PTPRS: variants seen among roughly 807,000 people sequenced by gnomAD.
The protein encoded by PTPRS is receptor-type tyrosine-protein phosphatase S.
PTPRS carries 63 observed loss-of-function variants against 215.3 expected under a neutral mutation model. The observed-to-expected ratio is 0.29, with a 90% confidence interval of 0.24 to 0.36. The LOEUF is 0.36. Ranked by LOEUF, PTPRS falls within the 10% of genes least tolerant of loss-of-function variation. The probability of loss-of-function intolerance (pLI) is 1.00; values close to 1 mark genes in which losing one functional copy is unlikely to be tolerated. For missense variants in PTPRS, 2,258 were observed against 2,825.8 expected (o/e 0.80, Z 4.56); for synonymous variants, 1,404 against 1,191.4 (o/e 1.18, Z -3.68).
rs369073402 is a variant in PTPRS at position 5,238,899 on chromosome 19, C to G, written c.1849+20G>C. On this transcript the variant is annotated intron_variant, in intron 13 of 37. Transcript: ENST00000262963. ...CCGTGGTCCCTCCCGCAGAGAAGGG[C>G]GGCCCCGCGAGACACCTACTGGACT... The G allele has an allele frequency of 2.1e-5, 33 of 1,569,692 alleles. 1 individual carries two copies. In the African/African-American group the frequency reaches 4.6e-4, roughly 22 times the overall value.
intron 1 of PTPRS, among the ~76,000 whole-genome samples, chr19:5,289,837 G>A (rs1230793041): frequency 6.6e-6 from 1 of 152,188 alleles, no homozygotes; most frequent in East Asian, 1.9e-4. Context: ...GGACAGAGAG[G>A]TGCACATAGA....
At position 5,296,138 on chromosome 19, in the gene PTPRS, CA is replaced by C. The variant is rs1460274412; in HGVS notation, c.-94-9905del. Among the ~76,000 whole-genome samples the C allele has an allele frequency of 2.0e-5, 3 of 152,168 alleles. No homozygotes were observed. In the East Asian group the frequency reaches 5.8e-4, roughly 29 times the overall value. On this transcript the variant is annotated intron_variant, in intron 1 of 37. Coordinates refer to ENST00000262963, the MANE Select transcript of PTPRS (RefSeq NM_002850.4). ...CTAGACACACAGTGACCAAGACTGACAAAGATCCCTGCCCTCAGGGTGTGGA... is the reference window on the plus strand; with the variant it reads ...CTAGACACACAGTGACCAAGACTGACAAGATCCCTGCCCTCAGGGTGTGGA...
At chr19:5,265,920 C>T (rs1262870591) in intron 4 of PTPRS, among the ~76,000 whole-genome samples, 5 of 152,010 alleles carry the variant, frequency 3.3e-5, no homozygotes, top group Non-Finnish European at 5.9e-5. Context: ...AGCCTGAGGA[C>T]GCCTTTCTTT....
At position 5,216,595 on chromosome 19, in the gene PTPRS, CAGGTGGGCAAAGGCCGGTGAT is replaced by C. The variant is rs2041481051; in HGVS notation, c.4096+104_4096+124del. The C allele has an allele frequency of 1.1e-5, 9 of 833,430 alleles. No individual in the cohort carries two copies. The East Asian group carries it at 1.6e-4, about 15-fold the overall frequency. The allele number at this position is 833,430 out of a possible 1,614,324, so 51.6% of individuals were successfully genotyped here. On this transcript the variant is annotated intron_variant, in intron 26 of 37. Transcript: ENST00000262963. ...CCCTCTTCCAGGAGCCAGCACAAGA[CAGGTGGGCAAAGGCCGGTGAT>C]GGGTGGGCGTGTGGACAGAGACAGG...
chr19:5,328,412 A>G (rs1415770407), intron 1 of PTPRS, among the ~76,000 whole-genome samples: 1 of 151,616 alleles, frequency 6.6e-6, no homozygotes, highest in African/African-American at 2.4e-5. Context: ...AGCTGGCTGT[A>G]TTTTTAGTAG....
At chr19:5,214,783 AG>A (rs759024849) in intron 28 of PTPRS, 47 bp from the exon 29 acceptor site, 2 of 1,553,876 alleles carry the variant, frequency 1.3e-6, no homozygotes, top group Non-Finnish European at 1.7e-6. Context: ...CTGTCTTGCT[AG>A]TTTGGCTCTG....
chr19:5,257,268 C>T lies in PTPRS; in HGVS notation c.706+749G>A, dbSNP rs1007837748. 1.3e-5 allele frequency among the ~76,000 whole-genome samples: 2 copies of T among 151,636 alleles called. No homozygotes were observed. Among genetic ancestry groups the T allele is most frequent in the Non-Finnish European group, 2.9e-5 (2 of 67,896 alleles). On this transcript the variant is annotated intron_variant, in intron 8 of 37. Transcript: ENST00000262963. The surrounding 1 kb of genome is among the most constrained non-coding windows in gnomAD (Gnocchi z 4.4). ...GCAGGGGAGCGGGGAGGTGCTGGGG[C>T]GAGGCCCCCACGCTGCTGGGCATGA...
intron 1 of PTPRS, among the ~76,000 whole-genome samples, 192 bp downstream of exon 1, chr19:5,340,472 C>T (rs1214333216): frequency 1.3e-5 from 2 of 150,506 alleles, no homozygotes; most frequent in Non-Finnish European, 3.0e-5. Context: ...ATTGTCCGGG[C>T]GCAGCTACCG....
rs1052757573 is a variant in PTPRS at position 5,210,980 on chromosome 19, A to G, written c.5235-175T>C. 3.3e-5 allele frequency among the ~76,000 whole-genome samples: 5 copies of G among 152,226 alleles called. No individual in the cohort carries two copies. The highest frequency in any genetic ancestry group is 1.5e-5 in the Non-Finnish European group (1 of 68,030). On this transcript the variant is annotated intron_variant, in intron 33 of 37. Coordinates refer to ENST00000262963, the MANE Select transcript of PTPRS (RefSeq NM_002850.4). This position sits in a 1 kb window ranked among gnomAD's most constrained non-coding sequence, Gnocchi z 4.5. ...TCCCCTCCTGGTGATCCCATTTTGCATGTGGGGAAACCACCAGTCTCATGA... is the reference window on the plus strand; with the variant it reads ...TCCCCTCCTGGTGATCCCATTTTGCGTGTGGGGAAACCACCAGTCTCATGA...
chr19:5,280,138 T>C (rs1197463821), intron 2 of PTPRS, among the ~76,000 whole-genome samples: 1 of 152,222 alleles, frequency 6.6e-6, no homozygotes, highest in African/African-American at 2.4e-5. Context: ...TTTGAGCCTC[T>C]ACGACCAGCT....
At chr19:5,278,071 G>C in intron 2 of PTPRS, 1 of 959,284 alleles carries the variant, frequency 1.0e-6, no homozygotes, top group Non-Finnish European at 1.6e-6. Context: ...AACGTGGAAA[G>C]GGCCGCCCAG....
chr19:5,287,788 G>C lies in PTPRS; in HGVS notation c.-94-1554C>G, dbSNP rs902213488. On this transcript the variant is annotated intron_variant, in intron 1 of 37. Coordinates refer to ENST00000262963, the MANE Select transcript of PTPRS (RefSeq NM_002850.4). This position sits in a 1 kb window ranked among gnomAD's most constrained non-coding sequence, Gnocchi z 4.8. ...CTCAGTGTACATAGTTAGGCCACAG[G>C]CATACAGTCAGACCAGCCACAGAGA... is the stretch of plus-strand genomic sequence containing the variant. Among the ~76,000 whole-genome samples the C allele has an allele frequency of 6.6e-5, 10 of 152,048 alleles. No individual in the cohort carries two copies. Among genetic ancestry groups the C allele is most frequent in the Non-Finnish European group, 1.3e-4 (9 of 68,004 alleles).
chr19:5,207,025 GC>G (rs1568353249), intron 37 of PTPRS, among the ~76,000 whole-genome samples, 183 bp from the exon 38 acceptor site: 1 of 152,200 alleles, frequency 6.6e-6, no homozygotes, highest in African/African-American at 2.4e-5. Context: ...GCCTAACACA[GC>G]CAGGCTCTTC....
rs1599533520 is a variant in PTPRS, at chr19:5,229,501, G to A, written c.2339C>T (p.Ala780Val). The A allele has an allele frequency of 6.9e-7, 1 of 1,451,274 alleles. No individual in the cohort carries two copies. The allele number at this position is 1,451,274 out of a possible 1,614,324, so 89.9% of individuals were successfully genotyped here. The change falls in exon 15 of 38, where the codon GCC becomes GTC. Residue 780 changes from alanine (A) to valine (V), a missense_variant. Ala to Val is a moderately conservative substitution (Grantham distance 64). Around this residue, in one of 6 missense-constraint regions of PTPRS, gnomAD observed 371 missense variants for 446.7 expected, o/e 0.83. Transcript: ENST00000262963. The stretch of plus-strand genomic sequence containing the variant: ...CGGCCCCCCGCCCACCTGGGCATCG[G>A]CCAGCATGACGTCCTTGATGCGCGG... The part of the protein sequence containing the change: ...GPPRIKDVML[A>V]DAQWETDDTA...
intron 9 of PTPRS, among the ~76,000 whole-genome samples, chr19:5,248,780 A>C (rs1272497734): frequency 6.6e-6 from 1 of 152,222 alleles, no homozygotes; most frequent in African/African-American, 2.4e-5. Flanking sequence ...GATGTGGCTG[A>C]ATGAGCCCAG....
At chr19:5,238,863 C>G (rs1467441464) in intron 13 of PTPRS, 56 bp downstream of exon 13, 1 of 1,501,110 alleles carries the variant, frequency 6.7e-7, no homozygotes, top group East Asian at 2.5e-5. Flanking sequence ...GAGGGGCTGT[C>G]TGCGGTCAGG....
chr19:5,223,380 T>G, intron 17 of PTPRS, 83 bp from the exon 18 acceptor site: 4 of 1,358,020 alleles, frequency 2.9e-6, no homozygotes, highest in Non-Finnish European at 3.8e-6. Flanking sequence ...TTTTTAATTC[T>G]TTTCCTTCAA....
intron 1 of PTPRS, among the ~76,000 whole-genome samples, chr19:5,306,530 C>A (rs570830874): frequency 6.6e-6 from 1 of 152,130 alleles, no homozygotes; most frequent in African/African-American, 2.4e-5. Context: ...ACTGAGCACA[C>A]GCAGCCCAGG....
chr19:5,314,049 A>C (rs1880965222), intron 1 of PTPRS, among the ~76,000 whole-genome samples: 1 of 152,084 alleles, frequency 6.6e-6, no homozygotes, highest in Non-Finnish European at 1.5e-5. Context: ...AGGTGGAAGG[A>C]TCGCTTGAGC....
Sources: gnomAD v4.1 joint callset for allele counts (sites outside exome capture counted in the v4.1 genomes callset) on GRCh38, gnomAD v4.1.1 for gene constraint, gnomAD v4.1.1 regional missense constraint, Gnocchi (gnomAD v3.1) non-coding constraint, MANE v1.5 for transcripts, NCBI Gene and HGNC (gene_info 2026-07-23, HGNC 2026-07-21) for gene names.